Variants in BOLL observed in about 807,000 individuals in gnomAD.
BOLL encodes the protein protein boule-like.
A neutral mutation model predicts 44.4 loss-of-function variants in BOLL; 23 were observed. The ratio of observed to expected loss-of-function variants is 0.52; its 90% CI spans 0.37 to 0.73. The LOEUF is 0.73. Among genes scored for constraint, BOLL ranks in the 30% least tolerant of loss-of-function variants. The pLI, the probability that BOLL is intolerant of heterozygous loss-of-function variation, is 0.00. For synonymous variants in BOLL, 97 were observed against 110.8 expected (o/e 0.88, Z 0.78); for missense variants, 287 against 338.3 (o/e 0.85, Z 1.19).
chr2:197,758,852 C>A, intron 7 of BOLL: 5 of 1,057,864 alleles, frequency 4.7e-6, no homozygotes, highest in South Asian at 3.4e-5. Context: ...ATTAAAAAAC[C>A]AGCTTGCAGT....
At chr2:197,733,714 G>A (rs1194392232) in intron 10 of BOLL, among the ~76,000 whole-genome samples, 1 of 152,092 alleles carries the variant, frequency 6.6e-6, no homozygotes, top group Non-Finnish European at 1.5e-5. Flanking sequence ...AATGGGGAAA[G>A]GATTCCCTAT....
chr2:197,785,367 ACGGGG>A, upstream of BOLL: 1 of 985,608 alleles, frequency 1.0e-6, no homozygotes, highest in Non-Finnish European at 1.2e-6. The surrounding 1 kb of genome is among the most constrained non-coding windows in gnomAD (Gnocchi z 6.7). Context: ...TGGCGGCGGG[ACGGGG>A]CGGGGCGGGA....
At chr2:197,765,682 A>G (rs917661663) in intron 7 of BOLL, among the ~76,000 whole-genome samples, 2 of 151,880 alleles carry the variant, frequency 1.3e-5, no homozygotes, top group Admixed American at 6.6e-5. Flanking sequence ...TTTCTAACTA[A>G]TCATTTATTT....
chr2:197,763,220 C>A (rs537367671), intron 7 of BOLL, among the ~76,000 whole-genome samples: 2 of 152,058 alleles, frequency 1.3e-5, no homozygotes, highest in Non-Finnish European at 2.9e-5. Context: ...CGGTGGCTGA[C>A]GCCTGTAATC....
At chr2:197,784,422 ATATATATATATATATATATATATATATT>A (rs1416093151) in intron 1 of BOLL, among the ~76,000 whole-genome samples, 2 of 105,178 alleles carry the variant, frequency 1.9e-5, no homozygotes, top group Non-Finnish European at 3.9e-5. Context: ...ATATATATAT[ATATATATATATATATATATATATATATT>A]TGAGACAGTC....
At chr2:197,777,359 C>A (rs906629369) in intron 3 of BOLL, among the ~76,000 whole-genome samples, 1 of 151,644 alleles carries the variant, frequency 6.6e-6, no homozygotes, top group African/African-American at 2.4e-5. Flanking sequence ...CAGCTGTATG[C>A]AGGAAAGAAA....
At position 197,769,962 on chromosome 2, in the gene BOLL, G is replaced by A. The variant is rs528986679; in HGVS notation, c.480+1893C>T. On this transcript the variant is annotated intron_variant, in intron 6 of 10. Coordinates refer to ENST00000392296, the MANE Select transcript of BOLL (RefSeq NM_033030.6). ...ATAGATTCAATGCCATCCCCATCAAGCTACCAATGACTTTCTTCACAGAAT... is the reference window on the plus strand; with the variant it reads ...ATAGATTCAATGCCATCCCCATCAAACTACCAATGACTTTCTTCACAGAAT... 3.9e-5 allele frequency among the ~76,000 whole-genome samples: 6 copies of A among 152,204 alleles called. No homozygotes were observed. The East Asian group carries it at 1.2e-3, about 29-fold the overall frequency.
intron 9 of BOLL, among the ~76,000 whole-genome samples, chr2:197,755,076 A>C (rs1688447690): frequency 6.6e-6 from 1 of 152,238 alleles, no homozygotes; most frequent in South Asian, 2.1e-4. Flanking sequence ...CCTCGTTAAA[A>C]AGTCGGCAAA....
Position 197,775,646 on chromosome 2 carries a change from A to G in BOLL, c.352+19T>C, listed in dbSNP as rs372706502. On this transcript the variant is annotated intron_variant, in intron 5 of 10. Coordinates refer to ENST00000392296, the MANE Select transcript of BOLL (RefSeq NM_033030.6). Reference sequence around the variant, plus strand: ...ACCATGCAAAAATATTTAAAAATACATTAGTTCTCAATACATACGAGGGAT... The same window carrying G: ...ACCATGCAAAAATATTTAAAAATACGTTAGTTCTCAATACATACGAGGGAT... 3.1e-5 allele frequency: 44 copies of G among 1,438,644 alleles called. 1 individual carries two copies. In the African/African-American group the frequency reaches 5.0e-4, roughly 16 times the overall value. The allele number at this position is 1,438,644 out of a possible 1,614,324, so 89.1% of individuals were successfully genotyped here.
chr2:197,756,480 T>C lies in BOLL; in HGVS notation c.677A>G (p.Asp226Gly), dbSNP rs1688521078. The C allele has an allele frequency of 1.2e-6, 2 of 1,612,734 alleles. No individual in the cohort carries two copies. Among genetic ancestry groups the C allele is most frequent in the Admixed American group, 1.7e-5 (1 of 59,934 alleles). Residue 226 changes from aspartate to glycine, a missense_variant, in exon 9 of 11, where the codon GAT (aspartate) becomes GGT (glycine). Asp to Gly is a moderately conservative substitution (Grantham distance 94). Coordinates refer to ENST00000392296, the MANE Select transcript of BOLL (RefSeq NM_033030.6). ...VIYQPVEIAQ[D>G]GGCVPPPLSL... The stretch of plus-strand genomic sequence containing the variant: ...CAGTGGAGGAGGAACACATCCACCA[T>C]CCTGTGCAATTTCCACTGGTTGATA...
intron 1 of BOLL, among the ~76,000 whole-genome samples, chr2:197,782,853 T>C (rs1689852195): frequency 6.6e-6 from 1 of 152,208 alleles, no homozygotes; most frequent in South Asian, 2.1e-4. Context: ...TATATACTTG[T>C]AGCTCATAAA....
chr2:197,779,188 A>G, intron 2 of BOLL, 122 bp from the exon 3 acceptor site: 1 of 668,962 alleles, frequency 1.5e-6, no homozygotes. Flanking sequence ...GCCTCTCATC[A>G]TCAAAACAGT....
intron 7 of BOLL, chr2:197,759,094 A>G: frequency 3.1e-6 from 3 of 974,894 alleles, no homozygotes; most frequent in Non-Finnish European, 4.7e-6. Context: ...CCACCCCGCC[A>G]CAAGAAAAGA....
At chr2:197,741,393 G>A (rs1480856942) in intron 10 of BOLL, among the ~76,000 whole-genome samples, 8 of 151,956 alleles carry the variant, frequency 5.3e-5, no homozygotes, top group Non-Finnish European at 1.0e-4. Flanking sequence ...TGAGACAATG[G>A]GGTTTTCTAG....
At chr2:197,749,530 G>A (rs1221208236) in intron 9 of BOLL, among the ~76,000 whole-genome samples, 1 of 151,918 alleles carries the variant, frequency 6.6e-6, no homozygotes, top group Non-Finnish European at 1.5e-5. Context: ...CTAGTTTAGA[G>A]AAAAAGAAAA....
intron 9 of BOLL, among the ~76,000 whole-genome samples, chr2:197,745,245 T>TA (rs545916225): frequency 1.3e-5 from 2 of 151,680 alleles, no homozygotes; most frequent in South Asian, 4.2e-4. Context: ...CTTTTTTTTT[T>TA]AAAAAAAGAA....
intron 4 of BOLL, among the ~76,000 whole-genome samples, chr2:197,776,445 A>G (rs1689517267): frequency 6.6e-6 from 1 of 151,936 alleles, no homozygotes. Flanking sequence ...GTTGATGGCA[A>G]TATTGTGACC....
At chr2:197,770,608 G>A (rs1451190683) in intron 6 of BOLL, among the ~76,000 whole-genome samples, 2 of 152,070 alleles carry the variant, frequency 1.3e-5, no homozygotes, top group Admixed American at 6.6e-5. Flanking sequence ...CTGACAAAGG[G>A]CTAATATCCA....
intron 4 of BOLL, 56 bp from the exon 5 acceptor site, chr2:197,775,796 T>C (rs1689484377): frequency 1.8e-6 from 2 of 1,091,082 alleles, no homozygotes; most frequent in Non-Finnish European, 1.3e-6. Flanking sequence ...ATTTATAAAA[T>C]CAATAAGGAA....
Sources: allele counts gnomAD v4.1 joint callset (sites outside exome capture counted in the v4.1 genomes callset), GRCh38; gene constraint gnomAD v4.1.1; non-coding constraint Gnocchi (gnomAD v3.1); transcripts MANE v1.5; gene names NCBI Gene and HGNC (gene_info 2026-07-23, HGNC 2026-07-21).